Variants in KRT35 observed in about 807,000 individuals in gnomAD.
KRT35 encodes the protein keratin, type I cuticular Ha5.
In KRT35, 33 loss-of-function variants were observed where a neutral mutation model predicts 42.2. The observed-to-expected ratio is 0.78, with a 90% CI of 0.59 to 1.05. The LOEUF (loss-of-function observed/expected upper bound fraction) is 1.05, where lower values mean the gene tolerates loss of function less well. KRT35 is among the 50% of genes least tolerant of loss of function. The pLI is 0.00. For missense variants in KRT35, 585 were observed against 589.2 expected, an observed-to-expected ratio of 0.99 and a Z score of 0.07; for synonymous variants, 218 against 238.2, an observed-to-expected ratio of 0.92 and a Z score of 0.78.
intron 2 of KRT35, 64 bp from the exon 3 acceptor site, chr17:41,479,567 C>G: frequency 6.3e-7 from 1 of 1,589,688 alleles, no homozygotes; most frequent in Non-Finnish European, 8.6e-7. Context: ...CAGGCCTGCC[C>G]TCAGACTGTC....
At chr17:41,480,382 A>C (rs1357631171) in intron 1 of KRT35, among the ~76,000 whole-genome samples, 1 of 152,024 alleles carries the variant, frequency 6.6e-6, no homozygotes, top group Non-Finnish European at 1.5e-5. Context: ...TCATTCATAG[A>C]CCTGATGTTC....
chr17:41,478,656 A>G (rs563852141), intron 4 of KRT35, among the ~76,000 whole-genome samples, 170 bp from the exon 5 acceptor site: 2 of 148,664 alleles, frequency 1.3e-5, no homozygotes, highest in Admixed American at 6.6e-5. Flanking sequence ...AACCTGCCCA[A>G]GTGGGTCTGT....
At position 41,479,576 on chromosome 17, in the gene KRT35, T is replaced by A; in HGVS notation, c.555-73A>T. 6 of 1,583,630 alleles carry A rather than the reference T, an allele frequency of 3.8e-6. No individual in the cohort carries two copies. In the South Asian group the frequency reaches 6.9e-5, roughly 18 times the overall value. ...CTAAGTCAGGCCTGCCCTCAGACTG[T>A]CCAGGTGCTGTGAGTCCTGCTTTTA... On this transcript the variant is annotated intron_variant, in intron 2 of 6. Coordinates refer to ENST00000246639, the MANE Select transcript of KRT35 (RefSeq NM_002280.6).
At chr17:41,478,066 T>C (rs2019203674) in intron 5 of KRT35, among the ~76,000 whole-genome samples, 1 of 152,186 alleles carries the variant, frequency 6.6e-6, no homozygotes, top group Non-Finnish European at 1.5e-5. Context: ...AGAAAGTATC[T>C]CCCTGTTAGT....
rs748438525 is a variant in KRT35, at chr17:41,480,779, G to A, written c.319C>T (p.Arg107Cys). 1.8e-5 allele frequency: 29 copies of A among 1,614,060 alleles called. No homozygotes were observed. Among genetic ancestry groups the A allele is most frequent in the Admixed American group, 6.7e-5 (4 of 60,014 alleles). Residue 107 changes from arginine to cysteine, a missense_variant, in exon 1 of 7, where the codon CGC (arginine) becomes TGC (cysteine). Arg to Cys is a radical substitution (Grantham distance 180). Coordinates refer to ENST00000246639, the MANE Select transcript of KRT35 (RefSeq NM_002280.6). ...ACCTTCTCCAGGTAGCCGGCCAGGC[G>A]GTCGTTCAGGGATTGCATGGTCTCC... ...EKETMQSLND[R>C]LAGYLEKVRQ...
Position 41,476,787 on chromosome 17 carries a change from A to G in KRT35, c.*269T>C, listed in dbSNP as rs1463396145. The G allele has an allele frequency of 2.7e-6, 1 of 368,034 alleles. No individual in the cohort carries two copies. The highest frequency in any genetic ancestry group is 2.1e-5 in the African/African-American group (1 of 47,518). 22.8% of individuals were successfully genotyped at this position (368,034 alleles called of 1,614,324 possible). A position where few individuals can be genotyped will look rare whatever the true frequency, so the allele number is the denominator to read the frequency against. On this transcript the variant is annotated 3_prime_UTR_variant, in exon 7 of 7. Transcript: ENST00000246639. ...TTCAGAATCCACCGGAACAGCACCT[A>G]GAAGGAAAACCTGACCCAGGAGGCA...
At position 41,480,389 on chromosome 17, in the gene KRT35, G is replaced by A. The variant is rs16966987; in HGVS notation, c.471+238C>T. Reference sequence around the variant, plus strand: ...CACAGAGTTCATTCATAGACCTGATGTTCAAGCTCTGGCTCCAGTAACTGC... The same window carrying A: ...CACAGAGTTCATTCATAGACCTGATATTCAAGCTCTGGCTCCAGTAACTGC... On this transcript the variant is annotated intron_variant, in intron 1 of 6. Coordinates refer to ENST00000246639, the MANE Select transcript of KRT35 (RefSeq NM_002280.6). Among the ~76,000 whole-genome samples the A allele has an allele frequency of 1.0e-3, 157 of 151,706 alleles. 1 individual carries two copies. Among genetic ancestry groups the A allele is most frequent in the African/African-American group, 3.6e-3 (150 of 41,224 alleles).
chr17:41,479,072 C>T (rs2019219056), intron 3 of KRT35, 77 bp from the exon 4 acceptor site: 1 of 1,417,976 alleles, frequency 7.1e-7, no homozygotes, highest in Non-Finnish European at 9.7e-7. Context: ...TGTTCACCTC[C>T]TCCCCATGCT....
chr17:41,478,494 A>G lies in KRT35; in HGVS notation c.874-8T>C, dbSNP rs777634385. On this transcript the variant is annotated splice_polypyrimidine_tract_variant and splice_region_variant and intron_variant, in intron 4 of 6. Coordinates refer to ENST00000246639, the MANE Select transcript of KRT35 (RefSeq NM_002280.6). The stretch of plus-strand genomic sequence containing the variant: ...CTGGTTCAGCTCCTCACTCTGAAAC[A>G]TACACACACAGAACCTGGTCAGCCA... 4 of 1,612,950 alleles carry G rather than the reference A, an allele frequency of 2.5e-6. No individual in the cohort carries two copies. The Admixed American group carries it at 5.0e-5, about 20-fold the overall frequency.
Position 41,480,709 on chromosome 17 carries a change from C to T in KRT35, c.389G>A (p.Arg130His), listed in dbSNP as rs185963879. 1,524 of 1,614,222 alleles carry T rather than the reference C, an allele frequency of 9.4e-4. 8 individuals are homozygous for T. The highest frequency in any genetic ancestry group is 5.7e-3 in the East Asian group (255 of 44,882). Reference sequence around the variant, plus strand: ...GGGGACCTGCTGCTCACACCACTCACGGATGCGGCTCTCCAGGCTGGCGTT... The same window carrying T: ...GGGGACCTGCTGCTCACACCACTCATGGATGCGGCTCTCCAGGCTGGCGTT... ...QENASLESRI[R>H]EWCEQQVPYM... Residue 130 changes from arginine to histidine, a missense_variant, in exon 1 of 7, where the codon CGT becomes CAT. Transcript: ENST00000246639.
At chr17:41,478,306 C>T in intron 5 of KRT35, 55 bp downstream of exon 5, 3 of 1,586,524 alleles carry the variant, frequency 1.9e-6, no homozygotes, top group East Asian at 2.2e-5. Flanking sequence ...AGCTGGGGAG[C>T]TTGTGTGCTC....
chr17:41,479,316 G>T (rs748897407), intron 3 of KRT35, 31 bp downstream of exon 3: 2 of 1,594,556 alleles, frequency 1.3e-6, no homozygotes, highest in Admixed American at 1.7e-5. Context: ...CTCACCTGCT[G>T]TGCCGTGTTC....
chr17:41,480,904 C>A lies in KRT35; in HGVS notation c.194G>T (p.Ser65Ile). ...AGGGAGGCAGAGAGCAGGGAGGCAG[C>A]TGGTGGCCCTGTAGCTGCTTCTGCC... The part of the protein sequence containing the change: ...GLGRSSYRAT[S>I]CLPALCLPAG... The change falls in exon 1 of 7, where the codon AGC becomes ATC. Residue 65 changes from serine (S) to isoleucine (I), a missense_variant. Transcript: ENST00000246639. 1 of 1,614,242 alleles carries A rather than the reference C, an allele frequency of 6.2e-7. No homozygotes were observed. Among genetic ancestry groups the A allele is most frequent in the Non-Finnish European group, 8.5e-7 (1 of 1,180,052 alleles).
In KRT35 at chr17:41,480,858, G is replaced by A. The variant is rs1351470176; in HGVS notation, c.240C>T (p.Ser80=). ...LCLPAGGFAT[S]YSGGGGWFGE... is the part of the protein sequence containing the mutation. The stretch of plus-strand genomic sequence containing the variant: ...CAAACCAGCCCCCACCCCCACTGTA[G>A]CTGGTAGCGAAGCCTCCAGCAGGGA... The change falls in exon 1 of 7, where the codon AGC becomes AGT. Residue 80 remains serine, a synonymous_variant. Coordinates refer to ENST00000246639, the MANE Select transcript of KRT35 (RefSeq NM_002280.6). 1 of 1,613,980 alleles carries A rather than the reference G, an allele frequency of 6.2e-7. No homozygotes were observed. The highest frequency in any genetic ancestry group is 1.7e-5 in the Admixed American group (1 of 60,004).
chr17:41,479,596 C>T, intron 2 of KRT35, 93 bp from the exon 3 acceptor site: 1 of 1,567,664 alleles, frequency 6.4e-7, no homozygotes, highest in Non-Finnish European at 8.7e-7. Flanking sequence ...GTGAGTCCTG[C>T]TTTTATGCCC....
chr17:41,477,457 T>C (rs1277554122), intron 6 of KRT35, 61 bp downstream of exon 6: 2 of 1,595,788 alleles, frequency 1.3e-6, no homozygotes, highest in Non-Finnish European at 1.7e-6. Flanking sequence ...GGCACCATGC[T>C]GTCTTCCCAG....
intron 3 of KRT35, 43 bp from the exon 4 acceptor site, chr17:41,479,038 C>G (rs1390475643): frequency 2.6e-6 from 4 of 1,568,096 alleles, no homozygotes; most frequent in Non-Finnish European, 3.5e-6. Context: ...CAGAGGGCTG[C>G]CTCCAAGGTT....
In KRT35 at chr17:41,479,244, C is replaced by A. The variant is rs1038236455; in HGVS notation, c.711+103G>T. 5 of 1,271,264 alleles carry A rather than the reference C, an allele frequency of 3.9e-6. No homozygotes were observed. The African/African-American group carries it at 9.6e-5, about 24-fold the overall frequency. The allele number at this position is 1,271,264 out of a possible 1,614,324, so 78.7% of individuals were successfully genotyped here. A position where few individuals can be genotyped will look rare whatever the true frequency, so the allele number is the denominator to read the frequency against. On this transcript the variant is annotated intron_variant, in intron 3 of 6. Transcript: ENST00000246639. ...CACACCTGCTCCCTCATGTTCACCT[C>A]CCCCTATGCTCACCTCATCCCCAAT...
At position 41,477,654 on chromosome 17, in the gene KRT35, C is replaced by T. The variant is rs775554101; in HGVS notation, c.1084G>A (p.Val362Met). 9.3e-6 allele frequency: 15 copies of T among 1,614,250 alleles called. No homozygotes were observed. Among genetic ancestry groups the T allele is most frequent in the African/African-American group, 2.7e-5 (2 of 75,060 alleles). ...CGGATCTCGGCCAGCTGGGCCTCCACGTTGGTGATCATGCACTGCATCTGG... is the reference window on the plus strand; with the variant it reads ...CGGATCTCGGCCAGCTGGGCCTCCATGTTGGTGATCATGCACTGCATCTGG... ...LAQMQCMITN[V>M]EAQLAEIRAD... Residue 362 changes from valine to methionine, a missense_variant, in exon 6 of 7, where the codon GTG becomes ATG. Val to Met is a conservative substitution (Grantham distance 21). Coordinates refer to ENST00000246639, the MANE Select transcript of KRT35 (RefSeq NM_002280.6).
Sources: allele counts gnomAD v4.1 joint callset (sites outside exome capture counted in the v4.1 genomes callset), GRCh38; gene constraint gnomAD v4.1.1; transcripts MANE v1.5; gene names NCBI Gene and HGNC (gene_info 2026-07-23, HGNC 2026-07-21).